The following SYN3 variants were observed in gnomAD, a reference collection of about 807,000 sequenced individuals.
SYN3 encodes synapsin III.
Under a neutral mutation model 65.8 loss-of-function variants are expected in SYN3, and 35 were observed. That is an observed-to-expected ratio of 0.53 (90% confidence interval 0.41 to 0.70). The LOEUF (loss-of-function observed/expected upper bound fraction) is 0.70. SYN3 is among the 30% of genes least tolerant of loss of function. SYN3 has a pLI of 0.00. For synonymous variants in SYN3, 270 were observed against 292.9 expected (o/e 0.92, Z 0.80); for missense variants, 680 against 749.0 (o/e 0.91, Z 1.08).
intron 2 of SYN3, among the ~76,000 whole-genome samples, chr22:32,988,998 ATGT>A (rs2052616930): frequency 8.2e-6 from 1 of 122,674 alleles, no homozygotes; most frequent in African/African-American, 3.0e-5. Context: ...ATCTACTCAC[ATGT>A]TGTCAACAGG....
At position 32,675,983 on chromosome 22, in the gene SYN3, C is replaced by T. The variant is rs201827332; in HGVS notation, c.712-79247G>A. 9.9e-5 allele frequency among the ~76,000 whole-genome samples: 15 copies of T among 151,694 alleles called. No homozygotes were observed. In the East Asian group the frequency reaches 2.7e-3, roughly 27 times the overall value. ...TCTGTCTTGAAGACATTGTTCAGCT[C>T]TCATCCAAACTGTCATTGTGTGGTC... is the stretch of plus-strand genomic sequence containing the variant. On this transcript the variant is annotated intron_variant, in intron 6 of 13. Coordinates refer to ENST00000358763, the MANE Select transcript of SYN3 (RefSeq NM_003490.4).
chr22:32,959,196 G>A (rs772974933), intron 3 of SYN3, among the ~76,000 whole-genome samples: 5 of 152,024 alleles, frequency 3.3e-5, no homozygotes, highest in Non-Finnish European at 7.4e-5. Context: ...AGATCTGATT[G>A]TTTTATCAGG....
chr22:32,621,593 C>A (rs928349712), intron 6 of SYN3, among the ~76,000 whole-genome samples: 1 of 152,134 alleles, frequency 6.6e-6, no homozygotes, highest in Non-Finnish European at 1.5e-5. Context: ...TCTTGCCAAG[C>A]AATGCACCTG....
Position 32,859,019 on chromosome 22 carries a change from C to A in SYN3, c.711+5896G>T, listed in dbSNP as rs1032957120. 32 of 708,508 alleles carry A rather than the reference C, an allele frequency of 4.5e-5. No homozygotes were observed. In the African/African-American group the frequency reaches 5.6e-4, roughly 12 times the overall value. The allele number at this position is 708,508 out of a possible 1,614,324, so 43.9% of individuals were successfully genotyped here. On this transcript the variant is annotated intron_variant, in intron 6 of 13. Coordinates refer to ENST00000358763, the MANE Select transcript of SYN3 (RefSeq NM_003490.4). ...ACTTATCAGAATGTCTGTTAGACAG[C>A]AGATGCTCAAGCTAGTGCTATTTAT...
intron 6 of SYN3, among the ~76,000 whole-genome samples, chr22:32,689,392 G>A (rs2060633716): frequency 6.6e-6 from 1 of 152,152 alleles, no homozygotes; most frequent in African/African-American, 2.4e-5. Context: ...CTGTAAAACA[G>A]GGACTCCCGT....
intron 4 of SYN3, among the ~76,000 whole-genome samples, chr22:32,898,795 G>A (rs2049671427): frequency 6.6e-6 from 1 of 152,086 alleles, no homozygotes; most frequent in Non-Finnish European, 1.5e-5. Flanking sequence ...GAGTTTCCAT[G>A]TCCTCAGCTA....
At chr22:32,717,076 C>T (rs1313629763) in intron 6 of SYN3, among the ~76,000 whole-genome samples, 1 of 152,146 alleles carries the variant, frequency 6.6e-6, no homozygotes, top group East Asian at 1.9e-4. Context: ...AAGAAACTTA[C>T]ATATATCAAC....
intron 7 of SYN3, among the ~76,000 whole-genome samples, chr22:32,570,472 A>G (rs931005889): frequency 6.6e-6 from 1 of 152,084 alleles, no homozygotes; most frequent in African/African-American, 2.4e-5. Flanking sequence ...TTTCTGATTA[A>G]AACATTGAAT....
At chr22:32,554,817 A>G (rs1357779756) in intron 7 of SYN3, among the ~76,000 whole-genome samples, 2 of 152,210 alleles carry the variant, frequency 1.3e-5, no homozygotes, top group African/African-American at 4.8e-5. Flanking sequence ...GCTGACAAAA[A>G]AAATGCAAGC....
intron 6 of SYN3, among the ~76,000 whole-genome samples, chr22:32,605,745 G>T (rs774315931): frequency 6.6e-6 from 1 of 152,190 alleles, no homozygotes; most frequent in Non-Finnish European, 1.5e-5. Flanking sequence ...CCCAGAACTG[G>T]AGCACGTGGG....
chr22:33,013,578 T>C (rs2053401406), intron 1 of SYN3, among the ~76,000 whole-genome samples: 1 of 152,204 alleles, frequency 6.6e-6, no homozygotes, highest in Non-Finnish European at 1.5e-5. Context: ...TAAAATCTAC[T>C]CTTTTAGCAA....
intron 3 of SYN3, among the ~76,000 whole-genome samples, chr22:32,974,993 C>T (rs2052139889): frequency 6.6e-6 from 1 of 152,166 alleles, no homozygotes; most frequent in South Asian, 2.1e-4. Flanking sequence ...ACGATCTTAA[C>T]CCCTACACCG....
intron 6 of SYN3, among the ~76,000 whole-genome samples, chr22:32,718,176 T>C (rs2061064707): frequency 6.6e-6 from 1 of 152,036 alleles, no homozygotes; most frequent in African/African-American, 2.4e-5. Flanking sequence ...GAGTAGGCAG[T>C]TACTATGGAG....
chr22:32,679,976 C>G (rs1680777709), intron 6 of SYN3, among the ~76,000 whole-genome samples: 3 of 150,210 alleles, frequency 2.0e-5, no homozygotes, highest in Non-Finnish European at 4.4e-5. Flanking sequence ...TTGTCTATAT[C>G]TTTCTTCTCT....
chr22:32,842,847 G>A (rs1316187979), intron 6 of SYN3, among the ~76,000 whole-genome samples: 1 of 152,162 alleles, frequency 6.6e-6, no homozygotes, highest in African/African-American at 2.4e-5. Flanking sequence ...ACTAATCAGA[G>A]GACATGTGTT....
intron 6 of SYN3, chr22:32,860,924 T>TTTTA: frequency 6.6e-6 from 1 of 151,558 alleles, no homozygotes; most frequent in South Asian, 2.1e-4. Flanking sequence ...TTTTTTTTTT[T>TTTTA]TTTTTTGAAA....
chr22:32,884,109 A>G (rs981020995), intron 4 of SYN3, among the ~76,000 whole-genome samples: 5 of 152,264 alleles, frequency 3.3e-5, no homozygotes, highest in African/African-American at 9.6e-5. Context: ...TGCAGCTACC[A>G]TGTAAAACAA....
intron 6 of SYN3, among the ~76,000 whole-genome samples, chr22:32,657,327 G>C (rs1331100658): frequency 6.6e-6 from 1 of 151,974 alleles, no homozygotes; most frequent in South Asian, 2.1e-4. Context: ...GTTTCACCAT[G>C]TTAGCCAGGA....
chr22:32,975,961 T>C (rs939570490), intron 3 of SYN3, among the ~76,000 whole-genome samples: 8 of 152,348 alleles, frequency 5.3e-5, no homozygotes, highest in African/African-American at 1.9e-4. Context: ...TTATGGTCAA[T>C]ATCTACAGCT....
Sources: gnomAD v4.1 joint callset for allele counts (sites outside exome capture counted in the v4.1 genomes callset) on GRCh38, gnomAD v4.1.1 for gene constraint, MANE v1.5 for transcripts, NCBI Gene and HGNC (gene_info 2026-07-23, HGNC 2026-07-21) for gene names.